The following DIP2B variants were observed in gnomAD, a reference collection of about 807,000 sequenced individuals.
DIP2B encodes disco-interacting protein 2 homolog B.
In DIP2B, 76 loss-of-function variants were observed where a neutral mutation model predicts 198.0. That is an observed-to-expected ratio of 0.38 (90% CI 0.32 to 0.46). The LOEUF (loss-of-function observed/expected upper bound fraction) is 0.46, where lower values mean the gene tolerates loss of function less well. Among genes scored for constraint, DIP2B ranks in the 20% least tolerant of loss-of-function variants. The pLI is 0.99. For synonymous variants in DIP2B, 701 were observed against 739.1 expected (o/e 0.95, Z 0.84); for missense variants, 1,559 against 1,978.4 (o/e 0.79, Z 4.02).
Position 50,640,778 on chromosome 12 carries a change from C to A in DIP2B, c.227C>A (p.Ala76Glu). The change falls in exon 3 of 38, where the codon GCA becomes GAA. Residue 76 changes from alanine (A) to glutamate (E), a missense_variant. Ala to Glu is a moderately radical substitution (Grantham distance 107, BLOSUM62 -1). Coordinates refer to ENST00000301180, the MANE Select transcript of DIP2B (RefSeq NM_173602.3). ...ELRNQTPAPS[A>E]AQTSAPSKYH... ...AGAAACCAGACACCTGCTCCATCTG[C>A]AGCTCAAACTTCTGCTCCCTCTAAG... The A allele has an allele frequency of 6.2e-7, 1 of 1,614,044 alleles. No homozygotes were observed. Among genetic ancestry groups the A allele is most frequent in the Non-Finnish European group, 8.5e-7 (1 of 1,179,920 alleles).
In DIP2B at chr12:50,724,784, G is replaced by A; in HGVS notation, c.3298G>A (p.Ala1100Thr). 6.2e-7 allele frequency: 1 copy of A among 1,614,068 alleles called. No homozygotes were observed. Among genetic ancestry groups the A allele is most frequent in the Admixed American group, 1.7e-5 (1 of 60,020 alleles). The change falls in exon 28 of 38, where the codon GCA (alanine) becomes ACA (threonine). Residue 1100 changes from alanine to threonine, a missense_variant. Physicochemically the swap from Ala to Thr is moderately conservative, Grantham distance 58. Transcript: ENST00000301180. The stretch of plus-strand genomic sequence containing the variant: ...TCCATTTGTTTTCTAGGTCAGCAAA[G>A]CAGCCTGTATTCTCACCAGTCAGAC... ...TVRMIVDVSKAACILTSQTLM... is the reference protein window; with the variant it reads ...TVRMIVDVSKTACILTSQTLM...
chr12:50,742,581 C>T (rs1940270966), intron 37 of DIP2B, among the ~76,000 whole-genome samples: 1 of 151,954 alleles, frequency 6.6e-6, no homozygotes, highest in Non-Finnish European at 1.5e-5. Flanking sequence ...CTCATGCTTT[C>T]CAGATACTTC....
intron 8 of DIP2B, 135 bp from the exon 9 acceptor site, chr12:50,680,537 A>G (rs1265983952): frequency 4.1e-6 from 3 of 729,208 alleles, no homozygotes; most frequent in East Asian, 2.6e-5. Flanking sequence ...TTGGGGGTGA[A>G]TGACACTCAT....
intron 1 of DIP2B, among the ~76,000 whole-genome samples, chr12:50,598,691 T>C (rs1410198796): frequency 7.0e-6 from 1 of 143,736 alleles, no homozygotes; most frequent in African/African-American, 2.6e-5. Flanking sequence ...GATAATCCTT[T>C]ACCAGCATCT....
Position 50,625,969 on chromosome 12 carries a change from A to T in DIP2B, c.101-7A>T. 6.2e-7 allele frequency: 1 copy of T among 1,613,756 alleles called. No individual in the cohort carries two copies. On this transcript the variant is annotated splice_polypyrimidine_tract_variant and splice_region_variant and intron_variant, in intron 1 of 37. Coordinates refer to ENST00000301180, the MANE Select transcript of DIP2B (RefSeq NM_173602.3). ...GCATAACCTATTTCTGTTTCTTGCT[A>T]TTTTAGGGGACATCACCCAGAAGGG...
intron 33 of DIP2B, 27 bp from the exon 34 acceptor site, chr12:50,735,046 T>TA: frequency 6.2e-7 from 1 of 1,613,996 alleles, no homozygotes; most frequent in Non-Finnish European, 8.5e-7. Context: ...AAAAGCCCTA[T>TA]ATATAGTAAA....
chr12:50,607,644 A>C (rs1958995194), intron 1 of DIP2B, among the ~76,000 whole-genome samples: 1 of 152,200 alleles, frequency 6.6e-6, no homozygotes, highest in Admixed American at 6.5e-5. Flanking sequence ...TCTGAAGTGT[A>C]ATAGAATATA....
chr12:50,741,658 G>T, intron 37 of DIP2B, 119 bp downstream of exon 37: 2 of 1,342,314 alleles, frequency 1.5e-6, no homozygotes, highest in Non-Finnish European at 1.0e-6. Context: ...TCCATGGGAG[G>T]AGTAAGGAAA....
At chr12:50,620,275 C>G (rs1470584681) in intron 1 of DIP2B, among the ~76,000 whole-genome samples, 2 of 152,192 alleles carry the variant, frequency 1.3e-5, no homozygotes, top group African/African-American at 4.8e-5. Flanking sequence ...CACGCCTCCT[C>G]ACAGCCCTCT....
chr12:50,560,450 C>T (rs937335154), intron 1 of DIP2B, among the ~76,000 whole-genome samples: 1 of 151,614 alleles, frequency 6.6e-6, no homozygotes, highest in Non-Finnish European at 1.5e-5. Flanking sequence ...TACCTGTAAT[C>T]CCAGCTACTT....
chr12:50,643,452 T>TGTGTGTGTGTGTGTGTG (rs1565856199), intron 3 of DIP2B, among the ~76,000 whole-genome samples: 5 of 144,158 alleles, frequency 3.5e-5, no homozygotes, highest in Non-Finnish European at 6.1e-5. Context: ...TGTGTGTGTG[T>TGTGTGTGTGTGTGTGTG]TTTAAAGGAT....
At chr12:50,582,017 C>T (rs907364441) in intron 1 of DIP2B, among the ~76,000 whole-genome samples, 11 of 152,234 alleles carry the variant, frequency 7.2e-5, no homozygotes, top group African/African-American at 2.4e-4. Flanking sequence ...AGCCCTGGAC[C>T]TGGGCAGGCC....
intron 34 of DIP2B, among the ~76,000 whole-genome samples, chr12:50,735,896 T>A (rs1435002652): frequency 6.6e-6 from 1 of 152,118 alleles, no homozygotes; most frequent in East Asian, 1.9e-4. Context: ...ATTAAAGATA[T>A]TTGAGAGTTA....
intron 22 of DIP2B, among the ~76,000 whole-genome samples, chr12:50,712,552 C>T (rs191303472): frequency 1.3e-5 from 2 of 149,324 alleles, no homozygotes; most frequent in African/African-American, 4.9e-5. Flanking sequence ...TGTGGTGACC[C>T]GAGATTGCGC....
At chr12:50,577,201 G>A (rs1017168849) in intron 1 of DIP2B, among the ~76,000 whole-genome samples, 31 of 152,088 alleles carry the variant, frequency 2.0e-4, no homozygotes, top group African/African-American at 7.5e-4. Flanking sequence ...TTTTGTTTAG[G>A]TAAGTTATAT....
intron 1 of DIP2B, among the ~76,000 whole-genome samples, chr12:50,615,811 G>A (rs565152621): frequency 1.3e-5 from 2 of 152,258 alleles, no homozygotes; most frequent in Non-Finnish European, 2.9e-5. Flanking sequence ...TTGTCAAGAA[G>A]CAAGTAAAAC....
At chr12:50,535,176 G>A (rs1958252556) in intron 1 of DIP2B, among the ~76,000 whole-genome samples, 2 of 152,086 alleles carry the variant, frequency 1.3e-5, no homozygotes, top group Non-Finnish European at 2.9e-5. Context: ...AGGCTGCAGT[G>A]AGCAGTGATT....
intron 3 of DIP2B, among the ~76,000 whole-genome samples, chr12:50,656,703 C>T (rs1274112939): frequency 6.6e-6 from 1 of 152,160 alleles, no homozygotes; most frequent in African/African-American, 2.4e-5. Context: ...TCCCAAGTAG[C>T]TGGGACTACA....
At chr12:50,643,734 C>T (rs1291551992) in intron 3 of DIP2B, among the ~76,000 whole-genome samples, 1 of 152,070 alleles carries the variant, frequency 6.6e-6, no homozygotes, top group Non-Finnish European at 1.5e-5. Context: ...AGGGGTGGCT[C>T]ATGCCTGTAA....
Sources: gnomAD v4.1 joint callset for allele counts (sites outside exome capture counted in the v4.1 genomes callset) on GRCh38, gnomAD v4.1.1 for gene constraint, MANE v1.5 for transcripts, NCBI Gene and HGNC (gene_info 2026-07-23, HGNC 2026-07-21) for gene names.